Variants in UBE2D2 observed in about 807,000 individuals in gnomAD.
UBE2D2 encodes ubiquitin conjugating enzyme E2 D2, also known as ubiquitin-conjugating enzyme E2 D2.
Under a neutral mutation model 24.2 loss-of-function variants are expected in UBE2D2, and 2 were observed. The observed-to-expected ratio is 0.08, with a 90% CI of 0.03 to 0.26. The LOEUF (loss-of-function observed/expected upper bound fraction) is 0.26. Among genes scored for constraint, UBE2D2 ranks in the 10% least tolerant of loss-of-function variants. The probability of loss-of-function intolerance (pLI) is 1.00; values close to 1 mark genes in which losing one functional copy is unlikely to be tolerated. For missense variants in UBE2D2, 44 were observed against 177.6 expected, an observed-to-expected ratio of 0.25 and a Z score of 4.28; for synonymous variants, 58 against 56.5, an observed-to-expected ratio of 1.03 and a Z score of -0.12.
At chr5:139,539,638 C>T (rs975903265) in intron 1 of UBE2D2, among the ~76,000 whole-genome samples, 5 of 152,080 alleles carry the variant, frequency 3.3e-5, no homozygotes, top group African/African-American at 4.8e-5. Flanking sequence ...GTCACCCAGG[C>T]GGGAGTGCAG....
chr5:139,575,490 T>TA (rs1753451020), intron 1 of UBE2D2, among the ~76,000 whole-genome samples: 1 of 152,126 alleles, frequency 6.6e-6, no homozygotes, highest in African/African-American at 2.4e-5. Context: ...ATTTCTAAAC[T>TA]AAAAAAGGGA....
chr5:139,552,722 G>A (rs1264070304), intron 1 of UBE2D2, among the ~76,000 whole-genome samples: 32 of 117,898 alleles, frequency 2.7e-4, no homozygotes, highest in African/African-American at 1.0e-3. Context: ...CTCTCTTGTT[G>A]CCCAGGCTGG....
chr5:139,586,721 C>T (rs939341206), intron 1 of UBE2D2, among the ~76,000 whole-genome samples: 6 of 151,812 alleles, frequency 4.0e-5, no homozygotes, highest in Admixed American at 1.3e-4. Flanking sequence ...GCCAAGATCT[C>T]GCCACTGCAC....
intron 1 of UBE2D2, among the ~76,000 whole-genome samples, chr5:139,532,832 C>G (rs747784236): frequency 6.6e-6 from 1 of 152,076 alleles, no homozygotes; most frequent in Non-Finnish European, 1.5e-5. Context: ...CTCAGCCAGG[C>G]ACGGTGGCTC....
intron 6 of UBE2D2, among the ~76,000 whole-genome samples, chr5:139,626,412 A>G (rs1399594740): frequency 6.6e-6 from 1 of 152,210 alleles, no homozygotes; most frequent in Non-Finnish European, 1.5e-5. Flanking sequence ...TTCAAGAACT[A>G]TGTAATGTAG....
chr5:139,557,757 TAAAC>T (rs200816769), upstream of UBE2D2, among the ~76,000 whole-genome samples: 646 of 151,936 alleles, frequency 4.3e-3, 9 homozygotes, highest in South Asian at 0.041. Flanking sequence ...AATAAATAAA[TAAAC>T]AAACAAACCA....
intron 1 of UBE2D2, among the ~76,000 whole-genome samples, chr5:139,595,379 AGT>A (rs1491141551): frequency 6.6e-6 from 1 of 150,906 alleles, no homozygotes. Flanking sequence ...CCCAAATGAC[AGT>A]TTTTTTTTTT....
upstream of UBE2D2, among the ~76,000 whole-genome samples, chr5:139,556,303 T>C (rs1161585498): frequency 4.6e-5 from 7 of 151,070 alleles, no homozygotes; most frequent in African/African-American, 1.7e-4. Flanking sequence ...CCCAGCTACT[T>C]GGGAGGCTGA....
chr5:139,574,329 A>T (rs1380674213), intron 1 of UBE2D2, among the ~76,000 whole-genome samples: 1 of 151,174 alleles, frequency 6.6e-6, no homozygotes, highest in African/African-American at 2.4e-5. Flanking sequence ...TACTGTCTTT[A>T]TTACTATAAT....
rs1754650649 is a variant in UBE2D2, at chr5:139,627,151, GAA to G, written c.*353_*354del. On this transcript the variant is annotated 3_prime_UTR_variant, in exon 7 of 7. Transcript: ENST00000398733. ...GTATGGTGTGTGCTTGGATGGGAAAGAAAAGGCTCCACTCACCTATAGGAGAT... is the reference window on the plus strand; with the variant it reads ...GTATGGTGTGTGCTTGGATGGGAAAGAAGGCTCCACTCACCTATAGGAGAT... 4.8e-6 allele frequency: 1 copy of G among 207,818 alleles called. No homozygotes were observed. Among genetic ancestry groups the G allele is most frequent in the South Asian group, 9.0e-5 (1 of 11,066 alleles). 12.9% of individuals were successfully genotyped at this position (207,818 alleles called of 1,614,324 possible).
At position 139,583,932 on chromosome 5, in the gene UBE2D2, C is replaced by G. The variant is rs181237945; in HGVS notation, c.25-16440C>G. The stretch of plus-strand genomic sequence containing the variant: ...TAATGGAGCCAGAAAATTCCTGTTG[C>G]CTAGTGACATAGCTCTTGTAGCGCA... On this transcript the variant is annotated intron_variant, in intron 1 of 6. Coordinates refer to ENST00000398733, the MANE Select transcript of UBE2D2 (RefSeq NM_003339.3). 4.4e-3 allele frequency among the ~76,000 whole-genome samples: 663 copies of G among 152,156 alleles called. 9 individuals are homozygous for G. Among genetic ancestry groups the G allele is most frequent in the Admixed American group, 0.026 (404 of 15,260 alleles).
Position 139,594,258 on chromosome 5 carries a change from A to G in UBE2D2, c.25-6114A>G, listed in dbSNP as rs78501720. 7.7e-3 allele frequency among the ~76,000 whole-genome samples: 1,178 copies of G among 152,334 alleles called. 8 individuals carry two copies. Among genetic ancestry groups the G allele is most frequent in the Middle Eastern group, 0.041 (12 of 294 alleles). Reference sequence around the variant, plus strand: ...TAGCTTAAGTTGCCTACTCAAGGATATAGTGAAAGGGAAATCTGCACATCC... The same window carrying G: ...TAGCTTAAGTTGCCTACTCAAGGATGTAGTGAAAGGGAAATCTGCACATCC... On this transcript the variant is annotated intron_variant, in intron 1 of 6. Coordinates refer to ENST00000398733, the MANE Select transcript of UBE2D2 (RefSeq NM_003339.3).
In UBE2D2 at chr5:139,617,821, C is replaced by A. The variant is rs567148225; in HGVS notation, c.304+2855C>A. Among the ~76,000 whole-genome samples, 14 of 151,678 alleles carry A rather than the reference C, an allele frequency of 9.2e-5. No individual in the cohort carries two copies. The South Asian group carries it at 2.9e-3, about 32-fold the overall frequency. ...AATAATACATATTTCATTGTTGTTA[C>A]GAAGATTAAAGAAGCAAAAACAGAC... On this transcript the variant is annotated intron_variant, in intron 5 of 6. Coordinates refer to ENST00000398733, the MANE Select transcript of UBE2D2 (RefSeq NM_003339.3).
In UBE2D2 at chr5:139,581,781, G is replaced by A. The variant is rs1203645804; in HGVS notation, c.25-18591G>A. Among the ~76,000 whole-genome samples, 6 of 151,910 alleles carry A rather than the reference G, an allele frequency of 3.9e-5. No homozygotes were observed. The East Asian group carries it at 1.2e-3, about 30-fold the overall frequency. The stretch of plus-strand genomic sequence containing the variant: ...CCTCCCGAGTTCAAGCTATTCTCCT[G>A]CCTCAGCCTCCCGAGTAGCTGGGAT... On this transcript the variant is annotated intron_variant, in intron 1 of 6. Transcript: ENST00000398733.
chr5:139,552,675 ATTTT>A (rs35039276), intron 1 of UBE2D2, among the ~76,000 whole-genome samples: 2 of 59,340 alleles, frequency 3.4e-5, no homozygotes, highest in East Asian at 5.0e-4. Context: ...CGCTTGGCTA[ATTTT>A]TTTTTTTTTT....
At chr5:139,557,050 G>A (rs1486582560), upstream of UBE2D2, among the ~76,000 whole-genome samples, 1 of 151,754 alleles carries the variant, frequency 6.6e-6, no homozygotes, top group Non-Finnish European at 1.5e-5. Context: ...GGCCAGGCTG[G>A]TCTTGAACTC....
intron 1 of UBE2D2, among the ~76,000 whole-genome samples, chr5:139,593,681 G>A (rs1328264694): frequency 3.3e-5 from 5 of 151,894 alleles, no homozygotes; most frequent in Admixed American, 6.6e-5. Context: ...ATAGTGGCAC[G>A]ATCCACTGCA....
intron 5 of UBE2D2, among the ~76,000 whole-genome samples, chr5:139,615,264 C>G (rs942302818): frequency 2.0e-5 from 3 of 152,146 alleles, no homozygotes; most frequent in Non-Finnish European, 4.4e-5. Flanking sequence ...GCGGGCAGAT[C>G]ACAAGGTCAG....
intron 1 of UBE2D2, among the ~76,000 whole-genome samples, chr5:139,564,012 C>A (rs560673996): frequency 3.6e-4 from 55 of 152,122 alleles, no homozygotes; most frequent in Non-Finnish European, 5.6e-4. Context: ...GGAACTATCT[C>A]TTTGACACAA....
Sources: gnomAD v4.1 joint callset for allele counts (sites outside exome capture counted in the v4.1 genomes callset) on GRCh38, gnomAD v4.1.1 for gene constraint, MANE v1.5 for transcripts, NCBI Gene and HGNC (gene_info 2026-07-23, HGNC 2026-07-21) for gene names.